Variants in YWHAE observed in about 807,000 individuals in gnomAD.
The protein encoded by YWHAE is 14-3-3 protein epsilon.
A neutral mutation model predicts 30.1 loss-of-function variants in YWHAE; 4 were observed. That is an observed-to-expected ratio of 0.13 (90% CI 0.07 to 0.30). The LOEUF is 0.30. Among genes scored for constraint, YWHAE ranks in the 10% least tolerant of loss-of-function variants. YWHAE has a pLI of 1.00. For missense variants in YWHAE, 121 were observed against 315.9 expected (o/e 0.38, Z 4.68); for synonymous variants, 118 against 111.8 (o/e 1.06, Z -0.35).
At chr17:1,359,670 A>G (rs535308336) in intron 4 of YWHAE, among the ~76,000 whole-genome samples, 5 of 151,990 alleles carry the variant, frequency 3.3e-5, no homozygotes, top group East Asian at 3.9e-4. Flanking sequence ...ACGTAAAATA[A>G]AAGTTACTAG....
intron 1 of YWHAE, chr17:1,369,639 C>T (rs34763380): frequency 0.025 from 3,812 of 152,234 alleles, 75 homozygotes; most frequent in Non-Finnish European, 0.036. Context: ...AACCCCAGCC[C>T]GGTCAACCAC....
chr17:1,391,649 A>C (rs2073390726), intron 1 of YWHAE, among the ~76,000 whole-genome samples: 1 of 152,194 alleles, frequency 6.6e-6, no homozygotes, highest in Non-Finnish European at 1.5e-5. Flanking sequence ...TCTGTTGGCA[A>C]CCAATTCGTC....
At chr17:1,368,179 G>T (rs999707344) in intron 1 of YWHAE, among the ~76,000 whole-genome samples, 2 of 152,110 alleles carry the variant, frequency 1.3e-5, no homozygotes, top group African/African-American at 4.8e-5. Flanking sequence ...CTGAGGTCGG[G>T]AGATCGAGAC....
intron 1 of YWHAE, 138 bp downstream of exon 1, chr17:1,399,909 G>A (rs1323178999): frequency 2.9e-6 from 3 of 1,019,288 alleles, no homozygotes; most frequent in East Asian, 2.5e-5. Context: ...GAGCTCCCAG[G>A]CCATTTCCTG....
intron 1 of YWHAE, among the ~76,000 whole-genome samples, chr17:1,384,843 G>A (rs554871726): frequency 2.4e-4 from 37 of 152,162 alleles, no homozygotes; most frequent in African/African-American, 8.4e-4. Flanking sequence ...GAGTAGCTGG[G>A]ATTAGAGGCA....
intron 1 of YWHAE, among the ~76,000 whole-genome samples, chr17:1,383,885 A>C (rs1484101007): frequency 1.3e-5 from 2 of 151,914 alleles, no homozygotes; most frequent in African/African-American, 2.4e-5. Flanking sequence ...ATATGGCAAG[A>C]CCCCATCTCT....
chr17:1,394,492 G>T (rs992163433), intron 1 of YWHAE, among the ~76,000 whole-genome samples: 3 of 145,760 alleles, frequency 2.1e-5, no homozygotes, highest in African/African-American at 8.0e-5. Flanking sequence ...AACAGTCCCA[G>T]CTACTAGGGA....
intron 1 of YWHAE, among the ~76,000 whole-genome samples, chr17:1,375,274 A>G (rs4790341): frequency 0.99 from 150,843 of 152,300 alleles, 74,704 homozygotes; most frequent in East Asian, 1. Context: ...AAACTATATA[A>G]GAAAAGCTGA....
intron 1 of YWHAE, among the ~76,000 whole-genome samples, chr17:1,372,345 T>C (rs2073056225): frequency 6.6e-6 from 1 of 152,204 alleles, no homozygotes; most frequent in Admixed American, 6.5e-5. Flanking sequence ...CACCAAAACT[T>C]TCTGTCAGCA....
intron 1 of YWHAE, among the ~76,000 whole-genome samples, chr17:1,372,149 T>G (rs2150860735): frequency 6.6e-6 from 1 of 152,334 alleles, no homozygotes; most frequent in Admixed American, 6.5e-5. Context: ...ACCTTGTACT[T>G]TTTAAGTAAT....
chr17:1,352,494 A>C (rs1029626913), intron 5 of YWHAE, among the ~76,000 whole-genome samples: 2 of 151,810 alleles, frequency 1.3e-5, no homozygotes, highest in African/African-American at 4.8e-5. Flanking sequence ...GCAACGCGAC[A>C]TATGTTTTAT....
intron 2 of YWHAE, among the ~76,000 whole-genome samples, chr17:1,362,258 C>A (rs1461696975): frequency 1.3e-5 from 2 of 152,038 alleles, no homozygotes. Context: ...ACACGCCAGC[C>A]CCCACACCCC....
At chr17:1,392,517 G>C (rs1163521565) in intron 1 of YWHAE, among the ~76,000 whole-genome samples, 1 of 152,100 alleles carries the variant, frequency 6.6e-6, no homozygotes, top group Non-Finnish European at 1.5e-5. Context: ...AACAACACTG[G>C]TGAATCATAT....
intron 1 of YWHAE, among the ~76,000 whole-genome samples, chr17:1,365,938 C>T (rs1377136528): frequency 6.6e-6 from 1 of 151,558 alleles, no homozygotes; most frequent in Non-Finnish European, 1.5e-5. Flanking sequence ...AAAACAGAGG[C>T]TGGGCACAGT....
At chr17:1,348,001 T>G in intron 5 of YWHAE, 1 of 1,011,064 alleles carries the variant, frequency 9.9e-7, no homozygotes. Flanking sequence ...GGGTTTTCCT[T>G]TAGGAATCTA....
intron 1 of YWHAE, among the ~76,000 whole-genome samples, chr17:1,391,321 T>G (rs2073386998): frequency 6.6e-6 from 1 of 152,158 alleles, no homozygotes; most frequent in South Asian, 2.1e-4. Context: ...CCTAGAGACG[T>G]AGATCTAAGC....
At chr17:1,387,924 C>A (rs1184869634) in intron 1 of YWHAE, among the ~76,000 whole-genome samples, 1 of 75,718 alleles carries the variant, frequency 1.3e-5, no homozygotes, top group Non-Finnish European at 2.3e-5. Flanking sequence ...CTGCACCTGG[C>A]TTTTTTTTTT....
chr17:1,369,477 G>C (rs1288846553), intron 1 of YWHAE, among the ~76,000 whole-genome samples: 1 of 152,206 alleles, frequency 6.6e-6, no homozygotes, highest in Non-Finnish European at 1.5e-5. Flanking sequence ...CTGGGTAACA[G>C]AGAGAGACTC....
At chr17:1,364,070 A>G (rs1416370458) in intron 2 of YWHAE, among the ~76,000 whole-genome samples, 1 of 152,202 alleles carries the variant, frequency 6.6e-6, no homozygotes, top group African/African-American at 2.4e-5. Context: ...GCTGCATTAC[A>G]GTGATGGCTG....
Sources: allele counts gnomAD v4.1 joint callset (sites outside exome capture counted in the v4.1 genomes callset), GRCh38; gene constraint gnomAD v4.1.1; transcripts MANE v1.5; gene names NCBI Gene and HGNC (gene_info 2026-07-23, HGNC 2026-07-21).